Variants in NAALADL2 observed in about 807,000 individuals in gnomAD.
The protein encoded by NAALADL2 is inactive N-acetylated-alpha-linked acidic dipeptidase-like protein 2.
In NAALADL2, 76 loss-of-function variants were observed where a neutral mutation model predicts 87.2. That is an observed-to-expected ratio of 0.87 (90% CI 0.72 to 1.05). The LOEUF (loss-of-function observed/expected upper bound fraction) is 1.05, where lower values mean the gene tolerates loss of function less well. Ranked by LOEUF, NAALADL2 falls within the 50% of genes least tolerant of loss-of-function variation. The pLI is 0.00. For synonymous variants in NAALADL2, 354 were observed against 331.0 expected (o/e 1.07, Z -0.75); for missense variants, 1,089 against 945.8 (o/e 1.15, Z -1.99).
At chr3:174,950,603 A>T (rs1740195054) in intron 1 of NAALADL2, among the ~76,000 whole-genome samples, 1 of 152,228 alleles carries the variant, frequency 6.6e-6, no homozygotes, top group Middle Eastern at 3.4e-3. Flanking sequence ...GTTCTTGAAG[A>T]GTTCAAAGCC....
At chr3:175,698,482 T>G (rs887067549) in intron 11 of NAALADL2, among the ~76,000 whole-genome samples, 3 of 119,882 alleles carry the variant, frequency 2.5e-5, no homozygotes, top group Non-Finnish European at 5.0e-5. Flanking sequence ...TGTATATATA[T>G]TTATATATAT....
At chr3:175,102,904 T>C (rs571325456) in intron 2 of NAALADL2, among the ~76,000 whole-genome samples, 88 of 152,136 alleles carry the variant, frequency 5.8e-4, no homozygotes, top group African/African-American at 2.1e-3. Context: ...GGTCAAGAGA[T>C]TGAGACCATC....
At chr3:175,779,697 T>C (rs1338178383) in intron 13 of NAALADL2, among the ~76,000 whole-genome samples, 1 of 152,214 alleles carries the variant, frequency 6.6e-6, no homozygotes, top group East Asian at 1.9e-4. Context: ...TTAAGGTTTC[T>C]TGAAATGAAG....
intron 2 of NAALADL2, among the ~76,000 whole-genome samples, chr3:174,560,458 A>C (rs563781006): frequency 6.6e-6 from 1 of 152,358 alleles, no homozygotes; most frequent in Non-Finnish European, 1.5e-5. Context: ...GTCACTCAAC[A>C]GAAAGTTCTT....
At chr3:174,914,999 AG>A (rs1401576234) in intron 1 of NAALADL2, among the ~76,000 whole-genome samples, 1 of 152,222 alleles carries the variant, frequency 6.6e-6, no homozygotes, top group East Asian at 1.9e-4. Context: ...AAATTTAAAA[AG>A]TTATACTACA....
chr3:174,728,962 G>A (rs1166570189), intron 2 of NAALADL2, among the ~76,000 whole-genome samples: 1 of 152,038 alleles, frequency 6.6e-6, no homozygotes, highest in African/African-American at 2.4e-5. Flanking sequence ...ACAGCACAAA[G>A]CCTAGAAGGC....
At chr3:175,431,443 T>C (rs1717746126) in intron 5 of NAALADL2, among the ~76,000 whole-genome samples, 1 of 152,046 alleles carries the variant, frequency 6.6e-6, no homozygotes, top group South Asian at 2.1e-4. Context: ...GACTCATTTA[T>C]ATTGTACCTA....
intron 11 of NAALADL2, among the ~76,000 whole-genome samples, chr3:175,703,971 G>A (rs1318538695): frequency 6.6e-6 from 1 of 152,118 alleles, no homozygotes; most frequent in Non-Finnish European, 1.5e-5. Context: ...AGCCCTTAAT[G>A]AGATTATGAT....
At chr3:175,614,893 A>G (rs1277219646) in intron 10 of NAALADL2, among the ~76,000 whole-genome samples, 1 of 152,216 alleles carries the variant, frequency 6.6e-6, no homozygotes, top group Non-Finnish European at 1.5e-5. Flanking sequence ...ATATTAATTA[A>G]TTCTTTAGGA....
chr3:175,257,487 A>AT (rs1750195294), intron 4 of NAALADL2, among the ~76,000 whole-genome samples: 1 of 150,706 alleles, frequency 6.6e-6, no homozygotes, highest in Non-Finnish European at 1.5e-5. Flanking sequence ...GTGATACTAA[A>AT]TTTTTGCTGG....
chr3:175,616,276 A>G (rs1219554321), intron 10 of NAALADL2, among the ~76,000 whole-genome samples: 3 of 139,778 alleles, frequency 2.1e-5, no homozygotes, highest in African/African-American at 8.2e-5. Flanking sequence ...ATATTTAATT[A>G]TAAATATAAT....
At chr3:175,345,017 T>C (rs1354982376) in intron 5 of NAALADL2, among the ~76,000 whole-genome samples, 1 of 152,064 alleles carries the variant, frequency 6.6e-6, no homozygotes. Flanking sequence ...TGATAATAGG[T>C]AGAAAAATTT....
intron 2 of NAALADL2, among the ~76,000 whole-genome samples, chr3:174,612,681 T>A (rs868096502): frequency 1.3e-5 from 2 of 152,170 alleles, no homozygotes; most frequent in Non-Finnish European, 2.9e-5. Flanking sequence ...GTGACAGAAT[T>A]ATGAATTCCT....
intron 1 of NAALADL2, among the ~76,000 whole-genome samples, chr3:174,987,813 TATATA>T (rs1746164477): frequency 1.7e-5 from 2 of 116,904 alleles, no homozygotes; most frequent in African/African-American, 1.1e-4. Context: ...TATATATAAT[TATATA>T]TATATATATA....
intron 13 of NAALADL2, among the ~76,000 whole-genome samples, chr3:175,774,352 T>A (rs1188956678): frequency 6.6e-6 from 1 of 152,074 alleles, no homozygotes; most frequent in East Asian, 1.9e-4. Flanking sequence ...CTTATATGAA[T>A]GTTAAGAAAT....
chr3:175,196,417 T>A (rs1194562118), intron 2 of NAALADL2, among the ~76,000 whole-genome samples: 2 of 151,950 alleles, frequency 1.3e-5, no homozygotes, highest in Non-Finnish European at 1.5e-5. Flanking sequence ...TCTCCAGGCA[T>A]CTTCCTAGTG....
intron 4 of NAALADL2, among the ~76,000 whole-genome samples, chr3:175,268,748 C>T (rs1374345212): frequency 6.6e-6 from 1 of 151,698 alleles, no homozygotes; most frequent in Non-Finnish European, 1.5e-5. Flanking sequence ...AACTAAGAAA[C>T]ACAGACACTT....
intron 1 of NAALADL2, among the ~76,000 whole-genome samples, chr3:174,500,859 AT>A (rs71300442): frequency 0.013 from 1,858 of 143,464 alleles, 29 homozygotes; most frequent in African/African-American, 0.043. Flanking sequence ...CCATTGGATA[AT>A]TTTTTTTTTT....
intron 4 of NAALADL2, among the ~76,000 whole-genome samples, chr3:175,267,310 T>C (rs1752099776): frequency 2.0e-5 from 3 of 152,116 alleles, no homozygotes; most frequent in South Asian, 2.1e-4. Flanking sequence ...TAATTGATTA[T>C]AAAACATGTA....
Sources: gnomAD v4.1 joint callset for allele counts (sites outside exome capture counted in the v4.1 genomes callset) on GRCh38, gnomAD v4.1.1 for gene constraint, MANE v1.5 for transcripts, NCBI Gene and HGNC (gene_info 2026-07-23, HGNC 2026-07-21) for gene names.